Variants in NRBF2 observed in about 807,000 individuals in gnomAD.
The protein encoded by NRBF2 is nuclear receptor binding factor 2.
Under a neutral mutation model 28.5 loss-of-function variants are expected in NRBF2, and 12 were observed. That is an observed-to-expected ratio of 0.42 (90% CI 0.27 to 0.68). The LOEUF is 0.68. Ranked by LOEUF, NRBF2 falls within the 30% of genes least tolerant of loss-of-function variation. NRBF2 has a pLI of 0.24. For synonymous variants in NRBF2, 102 were observed against 116.5 expected (o/e 0.88, Z 0.80); for missense variants, 274 against 333.5 (o/e 0.82, Z 1.39).
At chr10:63,149,398 A>G (rs1298113413) in intron 2 of NRBF2, among the ~76,000 whole-genome samples, 1 of 152,176 alleles carries the variant, frequency 6.6e-6, no homozygotes, top group African/African-American at 2.4e-5. Context: ...TATTCTTCAG[A>G]TTTCCTTAGT....
intron 1 of NRBF2, among the ~76,000 whole-genome samples, chr10:63,136,673 T>C (rs568665095): frequency 1.3e-5 from 2 of 152,366 alleles, no homozygotes; most frequent in East Asian, 3.9e-4. Context: ...TATTTTGATA[T>C]CAAGACCTCT....
At chr10:63,153,447 A>G in intron 3 of NRBF2, 64 bp from the exon 4 acceptor site, 4 of 1,205,896 alleles carry the variant, frequency 3.3e-6, no homozygotes, top group East Asian at 2.4e-5. Flanking sequence ...TGAATAGTGT[A>G]TGTTGGACAT....
At chr10:63,144,055 G>A (rs1220133274) in intron 1 of NRBF2, among the ~76,000 whole-genome samples, 1 of 152,118 alleles carries the variant, frequency 6.6e-6, no homozygotes, top group Non-Finnish European at 1.5e-5. Flanking sequence ...ACAGCACCCA[G>A]CCACTTTTTA....
chr10:63,144,271 A>G (rs898661749), intron 1 of NRBF2, among the ~76,000 whole-genome samples: 1 of 152,090 alleles, frequency 6.6e-6, no homozygotes, highest in South Asian at 2.1e-4. Flanking sequence ...CCACCATTCA[A>G]CTTTCCTGTT....
At chr10:63,141,770 C>A (rs1841472752) in intron 1 of NRBF2, among the ~76,000 whole-genome samples, 1 of 152,198 alleles carries the variant, frequency 6.6e-6, no homozygotes, top group Non-Finnish European at 1.5e-5. Context: ...TGAACGTTGG[C>A]AGTCGAGCTC....
chr10:63,140,250 TG>T (rs1841443005), intron 1 of NRBF2, among the ~76,000 whole-genome samples: 1 of 152,156 alleles, frequency 6.6e-6, no homozygotes, highest in African/African-American at 2.4e-5. Flanking sequence ...CTGTCAGAAA[TG>T]ATGGGCAACC....
At chr10:63,142,178 A>C (rs1841480271) in intron 1 of NRBF2, among the ~76,000 whole-genome samples, 2 of 152,228 alleles carry the variant, frequency 1.3e-5, no homozygotes, top group Non-Finnish European at 2.9e-5. Context: ...AGAATGAAGT[A>C]ACCTGAAATA....
intron 2 of NRBF2, among the ~76,000 whole-genome samples, chr10:63,150,711 A>T (rs1841634359): frequency 6.6e-6 from 1 of 152,238 alleles, no homozygotes; most frequent in Non-Finnish European, 1.5e-5. Context: ...CAATGTAATA[A>T]TAGAAATAAA....
chr10:63,142,481 T>C (rs889065252), intron 1 of NRBF2, among the ~76,000 whole-genome samples: 1 of 152,100 alleles, frequency 6.6e-6, no homozygotes, highest in African/African-American at 2.4e-5. Flanking sequence ...TTAGAATCTG[T>C]ATTTTAACCA....
chr10:63,143,774 A>G (rs1228602042), intron 1 of NRBF2, among the ~76,000 whole-genome samples: 2 of 133,022 alleles, frequency 1.5e-5, no homozygotes, highest in Non-Finnish European at 3.1e-5. Context: ...TTTTTTTGAG[A>G]CAAGATCTCA....
At chr10:63,136,866 C>G (rs921185293) in intron 1 of NRBF2, among the ~76,000 whole-genome samples, 1 of 152,070 alleles carries the variant, frequency 6.6e-6, no homozygotes, top group East Asian at 1.9e-4. Context: ...CTGGAAGAGA[C>G]TAGTTTGAAA....
Position 63,153,907 on chromosome 10 carries a change from C to T in NRBF2, c.553C>T (p.Leu185Phe). ...AGATTTGAAGAGGCATGTGGAATTC[C>T]TTGTGGCTGAGAATGAAAGATTAAG... ...IADLKRHVEF[L>F]VAENERLRKE... is the part of the protein sequence containing the mutation. Residue 185 changes from leucine (L) to phenylalanine (F), a missense_variant, in exon 4 of 4, where the codon CTT becomes TTT. Coordinates refer to ENST00000277746, the MANE Select transcript of NRBF2 (RefSeq NM_030759.5). 1 of 1,611,968 alleles carries T rather than the reference C, an allele frequency of 6.2e-7. No homozygotes were observed. Among genetic ancestry groups the T allele is most frequent in the Non-Finnish European group, 8.5e-7 (1 of 1,179,834 alleles).
At chr10:63,152,343 TTAAAAC>T (rs1466924996) in intron 3 of NRBF2, among the ~76,000 whole-genome samples, 153 bp downstream of exon 3, 2 of 152,270 alleles carry the variant, frequency 1.3e-5, no homozygotes, top group East Asian at 3.9e-4. Context: ...ACAACGGAAA[TTAAAAC>T]TAAATGAACT....
intron 2 of NRBF2, among the ~76,000 whole-genome samples, chr10:63,151,634 T>G (rs1841651058): frequency 1.3e-5 from 2 of 152,220 alleles, no homozygotes; most frequent in African/African-American, 4.8e-5. Context: ...AATGACATTA[T>G]ACTGTCCTCA....
chr10:63,136,195 C>T (rs146334713), intron 1 of NRBF2, among the ~76,000 whole-genome samples: 3,638 of 148,012 alleles, frequency 0.025, 61 homozygotes, highest in South Asian at 0.063. Flanking sequence ...TGCAGTGGTG[C>T]GATCTGGGCT....
chr10:63,146,696 A>G (rs1383119629), intron 2 of NRBF2, among the ~76,000 whole-genome samples: 2 of 152,248 alleles, frequency 1.3e-5, no homozygotes, highest in African/African-American at 4.8e-5. Context: ...GTTTTCTAAC[A>G]TGCTGATAAT....
At chr10:63,151,872 A>G (rs1841655916) in intron 2 of NRBF2, among the ~76,000 whole-genome samples, 1 of 152,174 alleles carries the variant, frequency 6.6e-6, no homozygotes, top group African/African-American at 2.4e-5. Flanking sequence ...TCTTTCCTAA[A>G]CCTATTTTTC....
intron 1 of NRBF2, among the ~76,000 whole-genome samples, chr10:63,141,555 G>A (rs957054512): frequency 6.6e-6 from 1 of 152,200 alleles, no homozygotes; most frequent in African/African-American, 2.4e-5. Context: ...TACTTAACGA[G>A]GGCTATATCG....
At position 63,154,265 on chromosome 10, in the gene NRBF2, C is replaced by G. The variant is rs534497775; in HGVS notation, c.*47C>G. The G allele has an allele frequency of 1.7e-6, 2 of 1,186,982 alleles. No individual in the cohort carries two copies. The highest frequency in any genetic ancestry group is 2.4e-6 in the Non-Finnish European group (2 of 828,164). 73.5% of individuals were successfully genotyped at this position (1,186,982 alleles called of 1,614,324 possible). On this transcript the variant is annotated 3_prime_UTR_variant, in exon 4 of 4. Coordinates refer to ENST00000277746, the MANE Select transcript of NRBF2 (RefSeq NM_030759.5). ...GGAAAAGAGGAAATAATACAGTAAT[C>G]GTTAATCCAGCAAAAAGAAATGAAA...
Sources: allele counts gnomAD v4.1 joint callset (sites outside exome capture counted in the v4.1 genomes callset), GRCh38; gene constraint gnomAD v4.1.1; transcripts MANE v1.5; gene names NCBI Gene and HGNC (gene_info 2026-07-23, HGNC 2026-07-21).